The following MAX variants were observed in gnomAD, a reference collection of about 807,000 sequenced individuals.
MAX encodes the protein MYC associated transcriptional regulator X.
A neutral mutation model predicts 22.3 loss-of-function variants in MAX; 3 were observed. The observed-to-expected ratio is 0.13, with a 90% CI of 0.06 to 0.35. MAX has a LOEUF of 0.35. MAX is among the 10% of genes least tolerant of loss of function. The pLI is 1.00. For synonymous variants in MAX, 72 were observed against 77.7 expected, an observed-to-expected ratio of 0.93 and a Z score of 0.39; for missense variants, 119 against 209.4, an observed-to-expected ratio of 0.57 and a Z score of 2.66.
In MAX at chr14:65,031,054, T is replaced by C. The variant is rs962727374; in HGVS notation, c.172-24770A>G. Among the ~76,000 whole-genome samples the C allele has an allele frequency of 6.6e-6, 1 of 152,100 alleles. No individual in the cohort carries two copies. Among genetic ancestry groups the C allele is most frequent in the African/African-American group, 2.4e-5 (1 of 41,420 alleles). The stretch of plus-strand genomic sequence containing the variant: ...AACTCCTGACCTCAAATAATCCACC[T>C]GCCTTAGCCTCCCAAAGTGCTGGGA... On this transcript the variant is annotated intron_variant, in intron 3 of 3. Transcript: ENST00000341653. The surrounding 1 kb of genome is among the most constrained non-coding windows in gnomAD (Gnocchi z 4.6).
chr14:65,072,212 G>T (rs1489835111), downstream of MAX, among the ~76,000 whole-genome samples: 3 of 152,178 alleles, frequency 2.0e-5, no homozygotes, highest in African/African-American at 7.2e-5. Context: ...ACCTGCCTGG[G>T]GACCAGAGGC....
At chr14:65,067,947 T>C (rs1318259105) in intron 3 of MAX, among the ~76,000 whole-genome samples, 1 of 152,086 alleles carries the variant, frequency 6.6e-6, no homozygotes, top group Non-Finnish European at 1.5e-5. Flanking sequence ...CGTAACAGTT[T>C]TTTGGAGGAA....
At chr14:65,035,621 C>T (rs1005108033) in intron 3 of MAX, among the ~76,000 whole-genome samples, 1 of 152,086 alleles carries the variant, frequency 6.6e-6, no homozygotes, top group African/African-American at 2.4e-5. Context: ...CCACCACCTC[C>T]TGGGCTCAAG....
At chr14:65,096,470 G>C (rs1935444721) in intron 2 of MAX, among the ~76,000 whole-genome samples, 1 of 152,182 alleles carries the variant, frequency 6.6e-6, no homozygotes, top group Admixed American at 6.5e-5. Context: ...ACAAGGCTGA[G>C]AATTCTCTGT....
Position 65,077,503 on chromosome 14 carries a change from C to T in MAX, c.295+410G>A. The T allele has an allele frequency of 9.5e-7, 1 of 1,048,010 alleles. No homozygotes were observed. Among genetic ancestry groups the T allele is most frequent in the Non-Finnish European group, 1.5e-6 (1 of 662,944 alleles). The allele number at this position is 1,048,010 out of a possible 1,614,324, so 64.9% of individuals were successfully genotyped here. On this transcript the variant is annotated intron_variant, in intron 4 of 4. Coordinates refer to ENST00000358664, the MANE Select transcript of MAX (RefSeq NM_002382.5). This position sits in a 1 kb window ranked among gnomAD's most constrained non-coding sequence, Gnocchi z 6.3. The stretch of plus-strand genomic sequence containing the variant: ...TAGCCCATAGGCTGCCCTGATTGGA[C>T]TACCATTGACAATGGGGAGGGCTCA...
At chr14:65,056,641 A>G (rs185288000) in intron 3 of MAX, among the ~76,000 whole-genome samples, 1 of 152,256 alleles carries the variant, frequency 6.6e-6, no homozygotes, top group Admixed American at 6.5e-5. Context: ...ATTGTCTGCC[A>G]GTTCATATTC....
intron 3 of MAX, among the ~76,000 whole-genome samples, chr14:65,059,333 CTT>C (rs549995463): frequency 1.4e-5 from 2 of 146,650 alleles, no homozygotes. Flanking sequence ...GCACTAGCCC[CTT>C]TTTTTTTTTC....
At chr14:65,015,530 G>A in intron 3 of MAX, 1 of 1,309,322 alleles carries the variant, frequency 7.6e-7, no homozygotes, top group Non-Finnish European at 1.1e-6. Context: ...CCTCCCCCTT[G>A]CCAGGCTGCT....
chr14:65,016,533 T>C (rs954069716), intron 3 of MAX: 1 of 152,214 alleles, frequency 6.6e-6, no homozygotes, highest in African/African-American at 2.4e-5. Context: ...GCCAGGTTTG[T>C]TTCTCCACAG....
intron 2 of MAX, among the ~76,000 whole-genome samples, chr14:65,096,304 G>A (rs2063675327): frequency 6.6e-6 from 1 of 152,162 alleles, no homozygotes; most frequent in African/African-American, 2.4e-5. Flanking sequence ...ATCTCTCAGA[G>A]ACAATGGCAA....
chr14:65,061,233 C>G, intron 3 of MAX: 1 of 1,614,202 alleles, frequency 6.2e-7, no homozygotes. Flanking sequence ...ATCCAGGCCA[C>G]TACATACTTT....
At chr14:65,013,581 G>C (rs2061718578) in intron 3 of MAX, among the ~76,000 whole-genome samples, 1 of 152,168 alleles carries the variant, frequency 6.6e-6, no homozygotes, top group Admixed American at 6.5e-5. Flanking sequence ...ATGGAGTCTC[G>C]CTGTATTTCC....
Position 65,011,683 on chromosome 14 carries a change from T to A in MAX, c.172-5399A>T, listed in dbSNP as rs540184382. 2.4e-4 allele frequency among the ~76,000 whole-genome samples: 37 copies of A among 152,308 alleles called. 1 individual carries two copies. Among genetic ancestry groups the A allele is most frequent in the Admixed American group, 1.5e-3 (23 of 15,300 alleles). On this transcript the variant is annotated intron_variant, in intron 3 of 3. Transcript: ENST00000341653. This position sits in a 1 kb window ranked among gnomAD's most constrained non-coding sequence, Gnocchi z 4.0. Reference sequence around the variant, plus strand: ...CTGTGCTTTGCCCGGCCTGTGCAGGTGGCCATGGGCGGCACATTCCATCTT... The same window carrying A: ...CTGTGCTTTGCCCGGCCTGTGCAGGAGGCCATGGGCGGCACATTCCATCTT...
intron 3 of MAX, among the ~76,000 whole-genome samples, chr14:65,035,406 T>C (rs2062165731): frequency 6.6e-6 from 1 of 152,168 alleles, no homozygotes; most frequent in Non-Finnish European, 1.5e-5. Flanking sequence ...TGTACAGCTG[T>C]CATTTGCAGG....
intron 3 of MAX, among the ~76,000 whole-genome samples, chr14:65,026,085 C>G (rs918606175): frequency 1.3e-5 from 2 of 152,204 alleles, no homozygotes; most frequent in Non-Finnish European, 2.9e-5. Flanking sequence ...TGTAGTCTTT[C>G]TGGCAGCAGT....
rs2063407098 is a variant in MAX at position 65,088,540 on chromosome 14, C to T, written c.171+5168G>A. Among the ~76,000 whole-genome samples the T allele has an allele frequency of 6.6e-6, 1 of 152,186 alleles. No homozygotes were observed. The highest frequency in any genetic ancestry group is 1.5e-5 in the Non-Finnish European group (1 of 68,022). ...GTTTACATTTCATTTAAACGACAAT[C>T]CCTCTAGCAGCTCAGATATGCTATA... is the stretch of plus-strand genomic sequence containing the variant. On this transcript the variant is annotated intron_variant, in intron 3 of 4. Coordinates refer to ENST00000358664, the MANE Select transcript of MAX (RefSeq NM_002382.5). This position sits in a 1 kb window ranked among gnomAD's most constrained non-coding sequence, Gnocchi z 5.2.
In MAX at chr14:65,044,527, G is replaced by C; in HGVS notation, c.172-38243C>G. On this transcript the variant is annotated intron_variant, in intron 3 of 3. Coordinates refer to the MAX transcript ENST00000341653. The surrounding 1 kb of genome is among the most constrained non-coding windows in gnomAD (Gnocchi z 5.5). ...TCTGGAAGCCCAGCGTGCTTTTTTA[G>C]AGGGGTTGAAATGAGCTCTGTCTAT... 1 of 1,536,820 alleles carries C rather than the reference G, an allele frequency of 6.5e-7. No individual in the cohort carries two copies. The highest frequency in any genetic ancestry group is 1.3e-5 in the South Asian group (1 of 77,642).
rs144935211 is a variant in MAX, at chr14:65,078,833, CCTT to C, written c.172-800_172-798del. 0.013 allele frequency among the ~76,000 whole-genome samples: 1,973 copies of C among 152,312 alleles called. 41 individuals are homozygous for C. The highest frequency in any genetic ancestry group is 0.044 in the African/African-American group (1,849 of 41,556). Reference sequence around the variant, plus strand: ...GCGTGAGCCACTGCATCCGTGAAGGCCTTCTTTGTGACATACAAGGTGCCAAGT... The same window carrying C: ...GCGTGAGCCACTGCATCCGTGAAGGCCTTTGTGACATACAAGGTGCCAAGT... On this transcript the variant is annotated intron_variant, in intron 3 of 4. Transcript: ENST00000358664. The surrounding 1 kb of genome is among the most constrained non-coding windows in gnomAD (Gnocchi z 6.4).
At chr14:65,026,121 G>C (rs931348163) in intron 3 of MAX, among the ~76,000 whole-genome samples, 1 of 152,126 alleles carries the variant, frequency 6.6e-6, no homozygotes, top group South Asian at 2.1e-4. Context: ...AGGTGAAAGC[G>C]CCCAGGAAAG....
Sources: gnomAD v4.1 joint callset for allele counts (sites outside exome capture counted in the v4.1 genomes callset) on GRCh38, gnomAD v4.1.1 for gene constraint, Gnocchi (gnomAD v3.1) non-coding constraint, MANE v1.5 for transcripts, NCBI Gene and HGNC (gene_info 2026-07-23, HGNC 2026-07-21) for gene names.